RASGRP3: variants seen among roughly 807,000 people sequenced by gnomAD.
RASGRP3 encodes the protein ras guanyl-releasing protein 3.
A neutral mutation model predicts 82.7 loss-of-function variants in RASGRP3; 54 were observed. The observed-to-expected ratio is 0.65, with a 90% CI of 0.52 to 0.82. The LOEUF is 0.82. Ranked by LOEUF, RASGRP3 falls within the 40% of genes least tolerant of loss-of-function variation. The probability of loss-of-function intolerance (pLI) is 0.00; values close to 1 mark genes in which losing one functional copy is unlikely to be tolerated. For missense variants in RASGRP3, 861 were observed against 828.9 expected (o/e 1.04, Z -0.48); for synonymous variants, 309 against 300.5 (o/e 1.03, Z -0.29).
intron 4 of RASGRP3, among the ~76,000 whole-genome samples, chr2:33,517,659 G>A (rs1415541985): frequency 1.3e-5 from 2 of 152,164 alleles, no homozygotes; most frequent in Non-Finnish European, 2.9e-5. Flanking sequence ...GCTCCCAGTG[G>A]TCCAAGGGTC....
At chr2:33,488,670 C>A (rs114370279) in intron 1 of RASGRP3, among the ~76,000 whole-genome samples, 2,314 of 152,208 alleles carry the variant, frequency 0.015, 58 homozygotes, top group African/African-American at 0.053. Flanking sequence ...AAAACAAGGG[C>A]CAAAATCCAC....
At chr2:33,464,457 C>T (rs1666567835) in intron 2 of RASGRP3, among the ~76,000 whole-genome samples, 2 of 141,642 alleles carry the variant, frequency 1.4e-5, no homozygotes, top group South Asian at 2.3e-4. Flanking sequence ...TTTTGGTGAT[C>T]TGTGATCAGT....
chr2:33,459,355 C>T lies in RASGRP3; in HGVS notation c.-261+11412C>T, dbSNP rs190979667. Among the ~76,000 whole-genome samples, 358 of 152,170 alleles carry T rather than the reference C, an allele frequency of 2.4e-3. 1 individual carries two copies. The highest frequency in any genetic ancestry group is 8.3e-3 in the African/African-American group (344 of 41,506). ...TTCACTGTGTTAACCAGGATGGTCT[C>T]GATCTCCTGACTTCATGATCCGCCT... is the stretch of plus-strand genomic sequence containing the variant. On this transcript the variant is annotated intron_variant, in intron 2 of 18. Coordinates refer to the RASGRP3 transcript ENST00000402538.
rs937623039 is a variant in RASGRP3 at position 33,538,501 on chromosome 2, T to A, written c.1162-593T>A. ...CTGGGTGACAGAGAGAGACTCTGTC[T>A]CAAAATAAATAAATAAATAAATAAA... is the stretch of plus-strand genomic sequence containing the variant. On this transcript the variant is annotated intron_variant, in intron 11 of 17. Transcript: ENST00000403687. 1.8e-4 allele frequency among the ~76,000 whole-genome samples: 25 copies of A among 138,412 alleles called. 1 individual carries two copies. The highest frequency in any genetic ancestry group is 1.5e-5 in the Non-Finnish European group (1 of 65,878). The allele number at this position is 138,412 out of a possible 152,430, so 90.8% of individuals were successfully genotyped here.
intron 1 of RASGRP3, among the ~76,000 whole-genome samples, chr2:33,509,136 C>T (rs1184730055): frequency 1.3e-5 from 2 of 152,166 alleles, no homozygotes; most frequent in African/African-American, 2.4e-5. Flanking sequence ...TGTGGTGGCT[C>T]ATGCGTGTAA....
chr2:33,475,021 C>A (rs944555792), upstream of RASGRP3, among the ~76,000 whole-genome samples: 6 of 152,178 alleles, frequency 3.9e-5, no homozygotes, highest in African/African-American at 1.4e-4. Flanking sequence ...GTTTCTATTA[C>A]TGTAAATACA....
chr2:33,520,981 G>C (rs1375444682), intron 6 of RASGRP3, among the ~76,000 whole-genome samples: 24 of 152,226 alleles, frequency 1.6e-4, no homozygotes, highest in Admixed American at 1.6e-3. Context: ...CTCAGTGTTA[G>C]TTACTGAGTC....
chr2:33,481,624 A>G (rs1257881808), intron 1 of RASGRP3: 2 of 152,224 alleles, frequency 1.3e-5, no homozygotes, highest in Admixed American at 6.5e-5. Flanking sequence ...GCCACTCATG[A>G]TATTTCCAAA....
chr2:33,464,545 T>C (rs574859110), intron 2 of RASGRP3, among the ~76,000 whole-genome samples: 22 of 150,844 alleles, frequency 1.5e-4, no homozygotes, highest in Admixed American at 3.3e-4. Flanking sequence ...CAATCACAGC[T>C]CACTGCAGCC....
At position 33,558,845 on chromosome 2, in the gene RASGRP3, G is replaced by A. The variant is rs1221337261; in HGVS notation, c.1879G>A (p.Asp627Asn). 1 of 1,613,876 alleles carries A rather than the reference G, an allele frequency of 6.2e-7. No homozygotes were observed. The highest frequency in any genetic ancestry group is 8.5e-7 in the Non-Finnish European group (1 of 1,179,906). ...EPVWSEAGWG[D>N]SGSHTFPKMK... ...TGTCTGGTCAGAGGCTGGCTGGGGG[G>A]ACTCGGGGTCCCACACCTTCCCTAA... Residue 627 changes from aspartate to asparagine, a missense_variant, in exon 17 of 18, where the codon GAC becomes AAC. Asp to Asn is a conservative substitution (Grantham distance 23). Coordinates refer to ENST00000403687, the MANE Select transcript of RASGRP3 (RefSeq NM_001139488.2).
chr2:33,455,457 T>C (rs1665989329), intron 2 of RASGRP3, among the ~76,000 whole-genome samples: 1 of 152,220 alleles, frequency 6.6e-6, no homozygotes, highest in Non-Finnish European at 1.5e-5. Context: ...AATTTGTAGA[T>C]AACTGGGCTG....
chr2:33,558,369 C>A, intron 16 of RASGRP3, 33 bp downstream of exon 16: 1 of 1,611,940 alleles, frequency 6.2e-7, no homozygotes, highest in South Asian at 1.1e-5. Flanking sequence ...CTGCCATGGT[C>A]TCTTTCTGCT....
At chr2:33,451,269 A>G (rs1164410309) in intron 2 of RASGRP3, among the ~76,000 whole-genome samples, 1 of 152,056 alleles carries the variant, frequency 6.6e-6, no homozygotes, top group Non-Finnish European at 1.5e-5. Flanking sequence ...TTTTATTGCT[A>G]TTGAGTTGCT....
At chr2:33,480,888 G>A (rs867184810) in intron 1 of RASGRP3, among the ~76,000 whole-genome samples, 6 of 152,188 alleles carry the variant, frequency 3.9e-5, no homozygotes, top group South Asian at 4.1e-4. Flanking sequence ...GTGCAGAGTC[G>A]CTGTGCTTTG....
intron 1 of RASGRP3, among the ~76,000 whole-genome samples, chr2:33,509,951 TA>T (rs34101796): frequency 5.3e-5 from 8 of 151,918 alleles, no homozygotes; most frequent in Admixed American, 2.6e-4. Context: ...CACAGCACTT[TA>T]AAAAAAAATC....
chr2:33,507,221 C>T (rs924965866), intron 1 of RASGRP3, among the ~76,000 whole-genome samples: 3 of 152,096 alleles, frequency 2.0e-5, no homozygotes, highest in Non-Finnish European at 4.4e-5. Flanking sequence ...ATGGTGAAAC[C>T]CCATCTCTAC....
At chr2:33,501,949 T>C (rs1487232717) in intron 1 of RASGRP3, among the ~76,000 whole-genome samples, 1 of 151,940 alleles carries the variant, frequency 6.6e-6, no homozygotes. Flanking sequence ...GCTTAGCGGG[T>C]GTAATGACTT....
At chr2:33,473,109 T>TC, upstream of RASGRP3, among the ~76,000 whole-genome samples, 1 of 152,126 alleles carries the variant, frequency 6.6e-6, no homozygotes, top group Admixed American at 6.5e-5. Flanking sequence ...ACGCCTGTAA[T>TC]CCCAGCACTT....
In RASGRP3 at chr2:33,453,333, G is replaced by A. The variant is rs560856706; in HGVS notation, c.-261+5390G>A. ...TTTTGATCTCAACTGGGATTCTTTA[G>A]TTCTTGAGAAGGTACATTCATGCAT... On this transcript the variant is annotated intron_variant, in intron 2 of 18. Transcript: ENST00000402538. 4.6e-5 allele frequency among the ~76,000 whole-genome samples: 7 copies of A among 152,240 alleles called. No homozygotes were observed. The South Asian group carries it at 1.5e-3, about 32-fold the overall frequency.
Sources: gnomAD v4.1 joint callset for allele counts (sites outside exome capture counted in the v4.1 genomes callset) on GRCh38, gnomAD v4.1.1 for gene constraint, MANE v1.5 for transcripts, NCBI Gene and HGNC (gene_info 2026-07-23, HGNC 2026-07-21) for gene names.